Variants in RERG observed in about 807,000 individuals in gnomAD.
RERG encodes the protein RAS like estrogen regulated growth inhibitor.
RERG carries 25 observed loss-of-function variants against 23.2 expected under a neutral mutation model. The observed-to-expected ratio is 1.08, with a 90% CI of 0.79 to 1.50. The LOEUF (loss-of-function observed/expected upper bound fraction) is 1.50, where lower values mean the gene tolerates loss of function less well. RERG is among the 40% of genes most tolerant of loss of function. RERG has a pLI of 0.00. For synonymous variants in RERG, 81 were observed against 89.1 expected (o/e 0.91, Z 0.51); for missense variants, 253 against 250.1 (o/e 1.01, Z -0.08).
chr12:15,143,527 A>C (rs1252191920), intron 2 of RERG, among the ~76,000 whole-genome samples: 1 of 152,104 alleles, frequency 6.6e-6, no homozygotes, highest in Admixed American at 6.5e-5. Context: ...ACTAATACCT[A>C]CTATGTGCAT....
At chr12:15,188,047 G>A (rs1437422815) in intron 2 of RERG, among the ~76,000 whole-genome samples, 1 of 152,060 alleles carries the variant, frequency 6.6e-6, no homozygotes, top group East Asian at 1.9e-4. Flanking sequence ...AGCTAGAATG[G>A]GTCCTTCAAC....
intron 2 of RERG, among the ~76,000 whole-genome samples, chr12:15,132,417 T>C (rs1428080978): frequency 6.6e-6 from 1 of 152,230 alleles, no homozygotes; most frequent in Non-Finnish European, 1.5e-5. Flanking sequence ...TGTATAGATA[T>C]ACCACAGTTT....
chr12:15,183,347 A>G (rs16910672), intron 2 of RERG, among the ~76,000 whole-genome samples: 10,082 of 152,160 alleles, frequency 0.066, 1,116 homozygotes, highest in African/African-American at 0.23. Flanking sequence ...AGAATATTGA[A>G]ATTGAGTAAT....
At chr12:15,132,361 T>C (rs193185000) in intron 2 of RERG, among the ~76,000 whole-genome samples, 8 of 152,362 alleles carry the variant, frequency 5.3e-5, no homozygotes, top group Admixed American at 4.6e-4. Context: ...ATCCATGCCA[T>C]TGCCTGGATT....
At chr12:15,179,764 C>G (rs1456711093) in intron 2 of RERG, among the ~76,000 whole-genome samples, 2 of 151,782 alleles carry the variant, frequency 1.3e-5, no homozygotes, top group Middle Eastern at 3.2e-3. Flanking sequence ...AACTACCAAT[C>G]AACAGAGAAA....
Position 15,214,441 on chromosome 12 carries a change from G to T in RERG, c.61+2988C>A, listed in dbSNP as rs192049526. Among the ~76,000 whole-genome samples the T allele has an allele frequency of 3.3e-5, 5 of 152,262 alleles. No individual in the cohort carries two copies. The East Asian group carries it at 9.7e-4, about 29-fold the overall frequency. Reference sequence around the variant, plus strand: ...AATTCCTACTGGTATTAAGTGTGGGGAAAGTAGAGGGGACAGGTAAGACTT... The same window carrying T: ...AATTCCTACTGGTATTAAGTGTGGGTAAAGTAGAGGGGACAGGTAAGACTT... On this transcript the variant is annotated intron_variant, in intron 2 of 4. Coordinates refer to ENST00000256953, the MANE Select transcript of RERG (RefSeq NM_032918.3).
intron 2 of RERG, among the ~76,000 whole-genome samples, chr12:15,159,208 C>A (rs1864568346): frequency 6.6e-6 from 1 of 152,062 alleles, no homozygotes; most frequent in Admixed American, 6.5e-5. Context: ...GGATTGTAAT[C>A]CATTACTGAC....
intron 4 of RERG, among the ~76,000 whole-genome samples, chr12:15,110,125 T>C (rs3815571): frequency 0.086 from 13,042 of 152,124 alleles, 740 homozygotes; most frequent in East Asian, 0.25. Flanking sequence ...TGTCGTGTAG[T>C]ACCAATGACA....
intron 2 of RERG, among the ~76,000 whole-genome samples, chr12:15,139,511 C>T (rs1025195536): frequency 1.3e-5 from 2 of 152,064 alleles, no homozygotes; most frequent in Non-Finnish European, 2.9e-5. Context: ...TTTTATAATG[C>T]TTCTCGCATA....
At chr12:15,146,519 C>T (rs1244319123) in intron 2 of RERG, among the ~76,000 whole-genome samples, 3 of 152,152 alleles carry the variant, frequency 2.0e-5, no homozygotes, top group Non-Finnish European at 4.4e-5. Flanking sequence ...ATTCCCTTTT[C>T]ACAGATGAGG....
At chr12:15,220,617 G>A (rs1312088497) in intron 1 of RERG, among the ~76,000 whole-genome samples, 1 of 152,084 alleles carries the variant, frequency 6.6e-6, no homozygotes, top group Non-Finnish European at 1.5e-5. Flanking sequence ...ACTTCCTCTT[G>A]GGGGTGGGGC....
chr12:15,163,247 C>A (rs1591653979), intron 2 of RERG, among the ~76,000 whole-genome samples: 1 of 152,214 alleles, frequency 6.6e-6, no homozygotes, highest in East Asian at 1.9e-4. Flanking sequence ...AATTGGATGA[C>A]TCAGGGAGCA....
rs12307505 is a variant in RERG at position 15,210,867 on chromosome 12, A to G, written c.61+6562T>C. Among the ~76,000 whole-genome samples the G allele has an allele frequency of 2.4e-3, 367 of 152,326 alleles. 1 individual carries two copies. The highest frequency in any genetic ancestry group is 8.2e-3 in the African/African-American group (340 of 41,568). ...TAAAGCCACAGGTAACCAGAGCACT[A>G]TATTTTAGGACAACAAAAAGGCTCC... On this transcript the variant is annotated intron_variant, in intron 2 of 4. Transcript: ENST00000256953.
At chr12:15,172,416 T>A (rs986573699) in intron 2 of RERG, among the ~76,000 whole-genome samples, 3 of 152,144 alleles carry the variant, frequency 2.0e-5, no homozygotes, top group Admixed American at 2.0e-4. Flanking sequence ...TGGGCTATTA[T>A]GAATAATTCT....
intron 2 of RERG, among the ~76,000 whole-genome samples, chr12:15,171,023 A>G (rs11056386): frequency 0.12 from 17,798 of 152,190 alleles, 1,075 homozygotes; most frequent in Middle Eastern, 0.16. Context: ...TAATTGGTGC[A>G]TTTATTGTGT....
intron 2 of RERG, among the ~76,000 whole-genome samples, chr12:15,177,143 C>A (rs10846158): frequency 6.6e-6 from 1 of 152,132 alleles, no homozygotes; most frequent in Non-Finnish European, 1.5e-5. Context: ...ATGATAAGTT[C>A]TAGTTTCTTA....
intron 2 of RERG, among the ~76,000 whole-genome samples, chr12:15,149,223 G>A (rs1046621782): frequency 6.6e-6 from 1 of 152,004 alleles, no homozygotes. Context: ...GAAAAACAGG[G>A]CTGTGTTTAT....
At position 15,213,996 on chromosome 12, in the gene RERG, ATGTGTGTGTG is replaced by A. The variant is rs59427690; in HGVS notation, c.61+3423_61+3432del. On this transcript the variant is annotated intron_variant, in intron 2 of 4. Coordinates refer to ENST00000256953, the MANE Select transcript of RERG (RefSeq NM_032918.3). ...CAAGAAAGAGAAAAACAGAGAAAGT[ATGTGTGTGTG>A]TGTGTGTGTGTGTGTGTGTGTGTGT... 3.9e-3 allele frequency among the ~76,000 whole-genome samples: 509 copies of A among 131,012 alleles called. 1 individual carries two copies. The highest frequency in any genetic ancestry group is 7.8e-3 in the African/African-American group (281 of 35,862). 85.9% of individuals were successfully genotyped at this position (131,012 alleles called of 152,430 possible).
intron 2 of RERG, among the ~76,000 whole-genome samples, chr12:15,165,699 A>G (rs570273819): frequency 1.3e-5 from 2 of 152,348 alleles, no homozygotes; most frequent in African/African-American, 4.8e-5. Context: ...TGGAGTAAGT[A>G]CCAGGGAGAG....
Sources: gnomAD v4.1 joint callset for allele counts (sites outside exome capture counted in the v4.1 genomes callset) on GRCh38, gnomAD v4.1.1 for gene constraint, MANE v1.5 for transcripts, NCBI Gene and HGNC (gene_info 2026-07-23, HGNC 2026-07-21) for gene names.